RHOJ: variants seen among roughly 807,000 people sequenced by gnomAD.
The protein encoded by RHOJ is ras homolog family member J.
RHOJ carries 11 observed loss-of-function variants against 23.4 expected under a neutral mutation model. The observed-to-expected ratio is 0.47, with a 90% CI of 0.30 to 0.78. The LOEUF is 0.78. Among genes scored for constraint, RHOJ ranks in the 30% least tolerant of loss-of-function variants. The probability of loss-of-function intolerance (pLI) is 0.08; values close to 1 mark genes in which losing one functional copy is unlikely to be tolerated. For synonymous variants in RHOJ, 102 were observed against 102.7 expected, an observed-to-expected ratio of 0.99 and a Z score of 0.04; for missense variants, 254 against 273.4, an observed-to-expected ratio of 0.93 and a Z score of 0.50.
intron 1 of RHOJ, among the ~76,000 whole-genome samples, chr14:63,268,879 C>G (rs1041313631): frequency 1.3e-5 from 2 of 152,208 alleles, no homozygotes; most frequent in African/African-American, 4.8e-5. Context: ...CAATAATATC[C>G]ATCTCTTTTG....
At chr14:63,243,821 T>G (rs1255990306) in intron 1 of RHOJ, among the ~76,000 whole-genome samples, 1 of 152,158 alleles carries the variant, frequency 6.6e-6, no homozygotes, top group Non-Finnish European at 1.5e-5. Flanking sequence ...TAGCAGTAAC[T>G]ACTCTGGAAT....
chr14:63,219,517 A>AT (rs1894437875), intron 1 of RHOJ, among the ~76,000 whole-genome samples: 2 of 152,132 alleles, frequency 1.3e-5, no homozygotes, highest in South Asian at 4.1e-4. Context: ...TGGTAAGTGC[A>AT]TTAAGAGTTC....
At chr14:63,220,869 A>C (rs1894476756) in intron 1 of RHOJ, among the ~76,000 whole-genome samples, 1 of 152,194 alleles carries the variant, frequency 6.6e-6, no homozygotes, top group African/African-American at 2.4e-5. Context: ...TTCAATGGCT[A>C]ATGATACAGA....
chr14:63,291,358 TC>T lies in RHOJ; in HGVS notation c.*335del, dbSNP rs1276575338. The stretch of plus-strand genomic sequence containing the variant: ...TCATGAACGTGAAGCTGATAGGAAA[TC>T]ACCCCAGGGAACCCGAAAAAGAAAC... On this transcript the variant is annotated 3_prime_UTR_variant, in exon 5 of 5. Coordinates refer to ENST00000316754, the MANE Select transcript of RHOJ (RefSeq NM_020663.5). 2 of 348,158 alleles carry T rather than the reference TC, an allele frequency of 5.7e-6. No homozygotes were observed. Among genetic ancestry groups the T allele is most frequent in the Admixed American group, 4.4e-5 (1 of 22,756 alleles). 21.6% of individuals were successfully genotyped at this position (348,158 alleles called of 1,614,324 possible). A position where few individuals can be genotyped will look rare whatever the true frequency, so the allele number is the denominator to read the frequency against.
In RHOJ at chr14:63,256,541, T is replaced by C. The variant is rs562042458; in HGVS notation, c.179-12569T>C. On this transcript the variant is annotated intron_variant, in intron 1 of 4. Coordinates refer to ENST00000316754, the MANE Select transcript of RHOJ (RefSeq NM_020663.5). ...AGCTCACCCCAATCATACTCACACGTGGCTCTTCTGTAACATCCTTTGTCT... is the reference window on the plus strand; with the variant it reads ...AGCTCACCCCAATCATACTCACACGCGGCTCTTCTGTAACATCCTTTGTCT... Among the ~76,000 whole-genome samples the C allele has an allele frequency of 4.6e-5, 7 of 152,288 alleles. No homozygotes were observed. In the East Asian group the frequency reaches 1.2e-3, roughly 25 times the overall value.
intron 1 of RHOJ, among the ~76,000 whole-genome samples, chr14:63,223,417 A>T (rs1395312585): frequency 6.6e-6 from 1 of 152,068 alleles, no homozygotes; most frequent in Non-Finnish European, 1.5e-5. Flanking sequence ...CTACTCTCCC[A>T]TCATCTCAGG....
chr14:63,234,582 T>G (rs555757661), intron 1 of RHOJ, among the ~76,000 whole-genome samples: 1 of 152,360 alleles, frequency 6.6e-6, no homozygotes, highest in South Asian at 2.1e-4. Context: ...ATTTTGTGGT[T>G]GTTCAGATCT....
At chr14:63,207,328 C>A (rs1207965969) in intron 1 of RHOJ, among the ~76,000 whole-genome samples, 2 of 152,194 alleles carry the variant, frequency 1.3e-5, no homozygotes, top group Non-Finnish European at 2.9e-5. Flanking sequence ...CCGCGCCCAA[C>A]CAGAAGTGGT....
At chr14:63,244,311 AAT>A (rs751478220) in intron 1 of RHOJ, among the ~76,000 whole-genome samples, 10 of 152,120 alleles carry the variant, frequency 6.6e-5, no homozygotes, top group Non-Finnish European at 1.2e-4. Context: ...TCATGCATGT[AAT>A]CCCAGCACTT....
chr14:63,227,347 A>G (rs2139743570), intron 1 of RHOJ, among the ~76,000 whole-genome samples: 1 of 152,330 alleles, frequency 6.6e-6, no homozygotes, highest in East Asian at 1.9e-4. Flanking sequence ...TATTGGTCTC[A>G]TGAGGCTTTC....
intron 2 of RHOJ, among the ~76,000 whole-genome samples, chr14:63,269,932 C>T (rs1895436505): frequency 6.6e-6 from 1 of 152,180 alleles, no homozygotes; most frequent in East Asian, 1.9e-4. Context: ...ATGTTCTAAT[C>T]CAGTTCACGG....
At position 63,224,528 on chromosome 14, in the gene RHOJ, A is replaced by G. The variant is rs1427971145; in HGVS notation, c.178+19481A>G. On this transcript the variant is annotated intron_variant, in intron 1 of 4. Transcript: ENST00000316754. Reference sequence around the variant, plus strand: ...CGTTCCTAATCAAGCATGTAAATCCATTTGTATGACCTTAGAAAGACTCCC... The same window carrying G: ...CGTTCCTAATCAAGCATGTAAATCCGTTTGTATGACCTTAGAAAGACTCCC... 2.0e-5 allele frequency among the ~76,000 whole-genome samples: 3 copies of G among 152,262 alleles called. No individual in the cohort carries two copies. The East Asian group carries it at 5.8e-4, about 29-fold the overall frequency.
intron 4 of RHOJ, among the ~76,000 whole-genome samples, chr14:63,290,442 A>G (rs765389089): frequency 2.0e-5 from 3 of 152,158 alleles, no homozygotes; most frequent in Non-Finnish European, 4.4e-5. Context: ...TCACTTGTAC[A>G]TGATTTACAC....
At chr14:63,257,519 G>C (rs1292287953) in intron 1 of RHOJ, among the ~76,000 whole-genome samples, 1 of 150,172 alleles carries the variant, frequency 6.7e-6, no homozygotes, top group Non-Finnish European at 1.5e-5. Context: ...AGATACCGTG[G>C]AAGCTGTGAG....
At chr14:63,275,148 T>C (rs978948758) in intron 2 of RHOJ, among the ~76,000 whole-genome samples, 3 of 152,044 alleles carry the variant, frequency 2.0e-5, no homozygotes, top group African/African-American at 4.8e-5. Context: ...AGCGAGACCC[T>C]ATCTCTACAA....
intron 1 of RHOJ, among the ~76,000 whole-genome samples, chr14:63,248,786 T>C (rs894723364): frequency 6.6e-6 from 1 of 152,210 alleles, no homozygotes; most frequent in African/African-American, 2.4e-5. Flanking sequence ...TCATATGACA[T>C]CTTTCAGCCC....
intron 1 of RHOJ, among the ~76,000 whole-genome samples, chr14:63,235,896 C>A (rs1482374622): frequency 6.6e-6 from 1 of 152,168 alleles, no homozygotes; most frequent in African/African-American, 2.4e-5. Context: ...GAGAAGAAAT[C>A]TCAAAATATA....
At chr14:63,237,490 A>G (rs1260768591) in intron 1 of RHOJ, among the ~76,000 whole-genome samples, 1 of 152,158 alleles carries the variant, frequency 6.6e-6, no homozygotes, top group East Asian at 1.9e-4. Flanking sequence ...TGCTCTTGAA[A>G]GTCTTTATCA....
chr14:63,291,124 A>C lies in RHOJ; in HGVS notation c.*100A>C. On this transcript the variant is annotated 3_prime_UTR_variant, in exon 5 of 5. Coordinates refer to ENST00000316754, the MANE Select transcript of RHOJ (RefSeq NM_020663.5). ...AAAAGGAGGGCACGACCAGAAAGGAACTCCCTTTGCACGGAGGCTTGCCCC... is the reference window on the plus strand; with the variant it reads ...AAAAGGAGGGCACGACCAGAAAGGACCTCCCTTTGCACGGAGGCTTGCCCC... The C allele has an allele frequency of 7.2e-7, 1 of 1,386,408 alleles. No homozygotes were observed. The highest frequency in any genetic ancestry group is 1.0e-6 in the Non-Finnish European group (1 of 986,526). 85.9% of individuals were successfully genotyped at this position (1,386,408 alleles called of 1,614,324 possible).
Sources: allele counts gnomAD v4.1 joint callset (sites outside exome capture counted in the v4.1 genomes callset), GRCh38; gene constraint gnomAD v4.1.1; transcripts MANE v1.5; gene names NCBI Gene and HGNC (gene_info 2026-07-23, HGNC 2026-07-21).